Variants in FLACC1 observed in about 807,000 individuals in gnomAD.
The protein encoded by FLACC1 is flagellum-associated coiled-coil domain-containing protein 1.
Under a neutral mutation model 62.8 loss-of-function variants are expected in FLACC1, and 66 were observed. That is an observed-to-expected ratio of 1.05 (90% CI 0.86 to 1.29). The LOEUF is 1.29. FLACC1 is among the 50% of genes most tolerant of loss of function. The pLI, the probability that FLACC1 is intolerant of heterozygous loss-of-function variation, is 0.00. For missense variants in FLACC1, 452 were observed against 489.1 expected (o/e 0.92, Z 0.71); for synonymous variants, 156 against 161.0 (o/e 0.97, Z 0.24).
At chr2:201,340,828 T>A (rs1417857682) in intron 7 of FLACC1, among the ~76,000 whole-genome samples, 1 of 152,242 alleles carries the variant, frequency 6.6e-6, no homozygotes, top group Non-Finnish European at 1.5e-5. Flanking sequence ...TAATTTTTGT[T>A]TGGGAAAGTT....
chr2:201,349,028 A>G (rs1377413434), intron 3 of FLACC1, among the ~76,000 whole-genome samples: 1 of 152,246 alleles, frequency 6.6e-6, no homozygotes, highest in African/African-American at 2.4e-5. Context: ...ACTGAAGGTC[A>G]GCTGATTAGC....
intron 7 of FLACC1, among the ~76,000 whole-genome samples, chr2:201,337,383 T>C (rs968867910): frequency 5.9e-5 from 9 of 152,244 alleles, no homozygotes; most frequent in African/African-American, 2.2e-4. Flanking sequence ...GCATCATTTA[T>C]TGAAGAGGGT....
At chr2:201,299,166 T>A (rs1949925864) in intron 12 of FLACC1, 72 bp downstream of exon 12, 1 of 1,387,166 alleles carries the variant, frequency 7.2e-7, no homozygotes, top group African/African-American at 1.4e-5. Flanking sequence ...GATTCCATTA[T>A]ACTGACAGCT....
chr2:201,344,329 G>A, intron 5 of FLACC1, 66 bp from the exon 6 acceptor site: 1 of 1,352,192 alleles, frequency 7.4e-7, no homozygotes, highest in Admixed American at 1.7e-5. Context: ...AGGCCCCTGA[G>A]CATGACTGAC....
Position 201,309,178 on chromosome 2 carries a change from C to T in FLACC1, c.748G>A (p.Glu250Lys), listed in dbSNP as rs377145516. 17 of 1,613,936 alleles carry T rather than the reference C, an allele frequency of 1.1e-5. No homozygotes were observed. The highest frequency in any genetic ancestry group is 2.2e-5 in the South Asian group (2 of 91,064). Reference sequence around the variant, plus strand: ...TGCTGTAGCAGGATATTTTCTCGCTCGAACTTCTCATCCTTCTTCCATTTC... The same window carrying T: ...TGCTGTAGCAGGATATTTTCTCGCTTGAACTTCTCATCCTTCTTCCATTTC... ...KAKWKKDEKF[E>K]RENILLQQKK... is the part of the protein sequence containing the mutation. Residue 250 changes from glutamate (E) to lysine (K), a missense_variant, in exon 10 of 15, where the codon GAG becomes AAG. This residue lies in a region of FLACC1 where 301 missense variants were observed against 318.4 expected (regional missense o/e 0.95). Coordinates refer to ENST00000392257, the MANE Select transcript of FLACC1 (RefSeq NM_001127391.3).
chr2:201,341,950 C>T (rs927561014), intron 7 of FLACC1, among the ~76,000 whole-genome samples: 1 of 151,800 alleles, frequency 6.6e-6, no homozygotes, highest in African/African-American at 2.4e-5. Flanking sequence ...TTGCTGAGGC[C>T]CTGACCTAGC....
chr2:201,297,943 C>A (rs1218096216), intron 12 of FLACC1, among the ~76,000 whole-genome samples: 2 of 152,088 alleles, frequency 1.3e-5, no homozygotes, highest in Non-Finnish European at 1.5e-5. Context: ...CGGGAAAGAG[C>A]TTTTCAGGAA....
upstream of FLACC1, among the ~76,000 whole-genome samples, chr2:201,359,637 G>C (rs1951167687): frequency 6.6e-6 from 1 of 152,172 alleles, no homozygotes; most frequent in South Asian, 2.1e-4. Flanking sequence ...AGTGCTATCA[G>C]AGTTGGTGCA....
At chr2:201,316,903 G>A (rs1950317529) in intron 9 of FLACC1, among the ~76,000 whole-genome samples, 1 of 151,948 alleles carries the variant, frequency 6.6e-6, no homozygotes, top group African/African-American at 2.4e-5. Flanking sequence ...ACATACTCAA[G>A]TCAATAAATG....
intron 12 of FLACC1, among the ~76,000 whole-genome samples, chr2:201,290,647 G>A (rs192374440): frequency 7.9e-5 from 12 of 152,274 alleles, no homozygotes; most frequent in African/African-American, 2.2e-4. Flanking sequence ...CTGAGGTATC[G>A]TGTTCATCTC....
At chr2:201,363,838 T>G in the FLACC1 span, among the ~76,000 whole-genome samples, 6 of 152,360 alleles carry the variant, frequency 3.9e-5, no homozygotes, top group East Asian at 7.7e-4. Flanking sequence ...TGCAGGGAAC[T>G]TGGGGTCGAG....
chr2:201,313,829 A>G (rs1475172291), intron 9 of FLACC1, among the ~76,000 whole-genome samples: 1 of 152,154 alleles, frequency 6.6e-6, no homozygotes, highest in African/African-American at 2.4e-5. Context: ...TGCTACCTCT[A>G]CCAGAGCAGG....
At chr2:201,319,673 C>T (rs1429738488) in intron 9 of FLACC1, among the ~76,000 whole-genome samples, 1 of 152,186 alleles carries the variant, frequency 6.6e-6, no homozygotes, top group East Asian at 1.9e-4. Flanking sequence ...AAGCAAAAAA[C>T]AACCCCATTA....
intron 7 of FLACC1, 77 bp from the exon 8 acceptor site, chr2:201,330,910 T>A: frequency 9.2e-7 from 1 of 1,085,912 alleles, no homozygotes; most frequent in Non-Finnish European, 1.3e-6. Flanking sequence ...GATCTGATCC[T>A]ACCCTCCACC....
intron 9 of FLACC1, among the ~76,000 whole-genome samples, chr2:201,320,173 G>A (rs1441634549): frequency 1.3e-5 from 2 of 152,220 alleles, no homozygotes; most frequent in South Asian, 2.1e-4. Flanking sequence ...TGTTCCTCAC[G>A]GGGAACCCTG....
chr2:201,349,130 G>T (rs1408411855), intron 3 of FLACC1, among the ~76,000 whole-genome samples: 2 of 152,112 alleles, frequency 1.3e-5, no homozygotes, highest in African/African-American at 4.8e-5. Flanking sequence ...CTTGGGAGGG[G>T]GTCACTGTCC....
At chr2:201,330,231 C>T (rs1424198887) in intron 9 of FLACC1, among the ~76,000 whole-genome samples, 1 of 152,166 alleles carries the variant, frequency 6.6e-6, no homozygotes, top group Non-Finnish European at 1.5e-5. Context: ...GAAGCTATTA[C>T]TTTTGTAATC....
intron 8 of FLACC1, 34 bp from the exon 9 acceptor site, chr2:201,330,556 G>A: frequency 6.2e-7 from 1 of 1,604,638 alleles, no homozygotes; most frequent in Non-Finnish European, 8.5e-7. Context: ...ATCATCATTA[G>A]TCTTCTGATA....
At chr2:201,313,957 G>C (rs894279330) in intron 9 of FLACC1, among the ~76,000 whole-genome samples, 1 of 152,140 alleles carries the variant, frequency 6.6e-6, no homozygotes, top group Admixed American at 6.5e-5. Flanking sequence ...ATCCTAAAAA[G>C]AGATAACAAT....
Sources: allele counts gnomAD v4.1 joint callset (sites outside exome capture counted in the v4.1 genomes callset), GRCh38; gene constraint gnomAD v4.1.1; regional missense constraint gnomAD v4.1.1; transcripts MANE v1.5; gene names NCBI Gene and HGNC (gene_info 2026-07-23, HGNC 2026-07-21).